The following PHF8 variants were observed in gnomAD, a reference collection of about 807,000 sequenced individuals.
PHF8 encodes the protein PHD finger protein 8, also known as histone lysine demethylase PHF8.
PHF8 carries 9 observed loss-of-function variants against 74.4 expected under a neutral mutation model. The observed-to-expected ratio is 0.12, with a 90% confidence interval of 0.07 to 0.21. The LOEUF (loss-of-function observed/expected upper bound fraction) is 0.21. PHF8 is among the 10% of genes least tolerant of loss of function. PHF8 has a pLI of 1.00. For missense variants in PHF8, 478 were observed against 816.6 expected (o/e 0.59, Z 5.05); for synonymous variants, 311 against 316.6 (o/e 0.98, Z 0.19).
intron 7 of PHF8, among the ~76,000 whole-genome samples, chrX:54,012,561 T>C (rs1197384024): frequency 9.0e-6 from 1 of 110,824 alleles, no homozygotes; most frequent in Admixed American, 9.7e-5. Context: ...CTTTGGGAGG[T>C]TGAGGCAGGA....
At chrX:54,016,765 A>G in intron 5 of PHF8, 29 bp from the exon 6 acceptor site, 1 of 1,167,390 alleles carries the variant, frequency 8.6e-7, no homozygotes, top group Non-Finnish European at 1.2e-6. Context: ...TTCTGCACCA[A>G]GTAGTCTCAG....
chrX:54,043,904 A>C lies in PHF8; in HGVS notation c.-235T>G. ...ACGCCCGCGGAGCTCAGCCCCAGCG[A>C]CACGCCGGCAGCCGGGCTAGCTCCG... On this transcript the variant is annotated 5_prime_UTR_variant, in exon 1 of 22. Transcript: ENST00000338154. 2.7e-6 allele frequency: 2 copies of C among 754,535 alleles called. No individual in the cohort carries two copies. The highest frequency in any genetic ancestry group is 3.1e-6 in the Non-Finnish European group (2 of 639,142). 62.2% of individuals were successfully genotyped at this position (754,535 alleles called of 1,213,427 possible). A position where few individuals can be genotyped will look rare whatever the true frequency, so the allele number is the denominator to read the frequency against.
chrX:53,945,173 G>A (rs781904225), intron 19 of PHF8, among the ~76,000 whole-genome samples: 2 of 109,774 alleles, frequency 1.8e-5, no homozygotes, highest in Non-Finnish European at 3.8e-5. Flanking sequence ...GTGAAACCCC[G>A]TCTCTATTAA....
chrX:53,949,012 C>T (rs901756948), intron 19 of PHF8, among the ~76,000 whole-genome samples: 2 of 107,399 alleles, frequency 1.9e-5, no homozygotes, highest in Non-Finnish European at 3.9e-5. Flanking sequence ...ACAACAAGAG[C>T]GAAACTCCGT....
At chrX:54,017,268 T>C (rs184793829) in intron 5 of PHF8, among the ~76,000 whole-genome samples, 1 of 112,250 alleles carries the variant, frequency 8.9e-6, no homozygotes, top group Admixed American at 9.4e-5. Context: ...CAACATAGTG[T>C]GACATCATCT....
At chrX:53,964,868 C>CAAAAAA (rs782274910) in intron 18 of PHF8, among the ~76,000 whole-genome samples, 17 of 37,665 alleles carry the variant, frequency 4.5e-4, no homozygotes, top group African/African-American at 5.7e-4. Flanking sequence ...AACTCTGCCT[C>CAAAAAA]AAAAAAAAAA....
intron 18 of PHF8, among the ~76,000 whole-genome samples, chrX:53,984,629 T>C (rs1180687311): frequency 1.8e-5 from 2 of 111,962 alleles, no homozygotes; most frequent in Admixed American, 9.5e-5. Context: ...GGTTGGACAT[T>C]AGTAAAAATA....
chrX:53,959,206 G>A (rs1453401650), intron 19 of PHF8, among the ~76,000 whole-genome samples: 3 of 111,609 alleles, frequency 2.7e-5, no homozygotes, highest in African/African-American at 9.8e-5. Flanking sequence ...CAATGTATAT[G>A]TTAATAAACT....
At chrX:54,046,354 G>A (rs928508103), upstream of PHF8, among the ~76,000 whole-genome samples, 16 of 109,874 alleles carry the variant, frequency 1.5e-4, no homozygotes, top group African/African-American at 4.6e-4. Flanking sequence ...GGAGGCCGAG[G>A]CGGGCGGATC....
At position 53,968,806 on chromosome X, in the gene PHF8, G is replaced by A. The variant is rs141786851; in HGVS notation, c.2444-5867C>T. Among the ~76,000 whole-genome samples, 677 of 111,842 alleles carry A rather than the reference G, an allele frequency of 6.1e-3. 7 individuals are homozygous for A. Among genetic ancestry groups the A allele is most frequent in the African/African-American group, 0.021 (647 of 30,785 alleles). ...GCATCTGTAATCCCGGTTACTTGGAGGCTGAGGCAGGAGAATCGCTTGAAC... is the reference window on the plus strand; with the variant it reads ...GCATCTGTAATCCCGGTTACTTGGAAGCTGAGGCAGGAGAATCGCTTGAAC... On this transcript the variant is annotated intron_variant, in intron 18 of 21. Transcript: ENST00000338154.
chrX:53,999,967 G>C lies in PHF8; in HGVS notation c.1142-6C>G, dbSNP rs1019708582. 3 of 1,113,142 alleles carry C rather than the reference G, an allele frequency of 2.7e-6. No individual in the cohort carries two copies. The highest frequency in any genetic ancestry group is 1.8e-5 in the African/African-American group (1 of 55,477). 91.7% of individuals were successfully genotyped at this position (1,113,142 alleles called of 1,213,427 possible). ...TCTCCTGTTCTCTCGCAAACCTAAA[G>C]GAGGAAAGAGGAAAGCAGAGTGTCA... On this transcript the variant is annotated splice_polypyrimidine_tract_variant and splice_region_variant and intron_variant, in intron 10 of 21. Transcript: ENST00000338154.
At chrX:54,002,123 G>A in intron 10 of PHF8, 32 bp downstream of exon 10, 1 of 841,533 alleles carries the variant, frequency 1.2e-6, no homozygotes, top group Non-Finnish European at 1.8e-6. Context: ...GGGGAGAGGG[G>A]CAAAAAGGAC....
chrX:54,015,420 T>TA (rs2066048005), intron 6 of PHF8, among the ~76,000 whole-genome samples: 1 of 108,101 alleles, frequency 9.3e-6, no homozygotes, highest in African/African-American at 3.4e-5. Flanking sequence ...ACTAAAAACA[T>TA]AAAAAATTAG....
intron 18 of PHF8, among the ~76,000 whole-genome samples, chrX:53,970,334 C>CA (rs1314453897): frequency 2.7e-5 from 3 of 111,125 alleles, no homozygotes; most frequent in Non-Finnish European, 5.7e-5. Flanking sequence ...AGACATTTCT[C>CA]AAAAAAAGAC....
chrX:54,036,958 C>T (rs1319566087), intron 2 of PHF8, among the ~76,000 whole-genome samples: 1 of 103,342 alleles, frequency 9.7e-6, no homozygotes, highest in Non-Finnish European at 2.0e-5. Context: ...CGAGATCGCG[C>T]CATTGCACTC....
intron 6 of PHF8, 64 bp downstream of exon 6, chrX:54,016,531 C>A: frequency 2.2e-6 from 2 of 909,171 alleles, no homozygotes; most frequent in East Asian, 3.1e-5. Context: ...CGAATATACA[C>A]TAGATATATC....
At chrX:54,031,530 C>G in intron 2 of PHF8, among the ~76,000 whole-genome samples, 1 of 107,301 alleles carries the variant, frequency 9.3e-6, no homozygotes, top group Admixed American at 1.0e-4. Flanking sequence ...CTGGATGCAC[C>G]AACGGAATAA....
chrX:54,044,746 C>T (rs1040349135), upstream of PHF8: 1 of 531,129 alleles, frequency 1.9e-6, no homozygotes, highest in East Asian at 4.1e-5. Flanking sequence ...TCAGCTACCC[C>T]GACTCGCACA....
At chrX:53,992,611 TA>T in intron 14 of PHF8, 124 bp downstream of exon 14, 1 of 507,971 alleles carries the variant, frequency 2.0e-6, no homozygotes, top group Non-Finnish European at 3.6e-6. Flanking sequence ...AATATCTAGG[TA>T]TTGCCCTAAG....
Sources: allele counts gnomAD v4.1 joint callset (sites outside exome capture counted in the v4.1 genomes callset), GRCh38; gene constraint gnomAD v4.1.1; transcripts MANE v1.5; gene names NCBI Gene and HGNC (gene_info 2026-07-23, HGNC 2026-07-21).